Variants in MATN3 observed in about 807,000 individuals in gnomAD.
MATN3 encodes matrilin 3.
Under a neutral mutation model 45.3 loss-of-function variants are expected in MATN3, and 48 were observed. The ratio of observed to expected loss-of-function variants is 1.06; its 90% CI spans 0.84 to 1.35. MATN3 has a LOEUF of 1.35. Ranked by LOEUF, MATN3 falls within the 40% of genes most tolerant of loss-of-function variation. The pLI, the probability that MATN3 is intolerant of heterozygous loss-of-function variation, is 0.00. For synonymous variants in MATN3, 217 were observed against 245.9 expected, an observed-to-expected ratio of 0.88 and a Z score of 1.10; for missense variants, 599 against 628.0, an observed-to-expected ratio of 0.95 and a Z score of 0.49.
chr2:19,992,820 T>C lies in MATN3; in HGVS notation c.*291A>G, dbSNP rs368846076. The stretch of plus-strand genomic sequence containing the variant: ...TTTAAAAATTAAATGGCTCAATTAG[T>C]AGATAAAGAAACACTAAACTTTTCA... On this transcript the variant is annotated 3_prime_UTR_variant, in exon 8 of 8. Transcript: ENST00000407540. 13 of 342,698 alleles carry C rather than the reference T, an allele frequency of 3.8e-5. No homozygotes were observed. Among genetic ancestry groups the C allele is most frequent in the East Asian group, 1.4e-4 (2 of 14,754 alleles). The allele number at this position is 342,698 out of a possible 1,614,324, so 21.2% of individuals were successfully genotyped here.
chr2:20,001,936 A>G lies in MATN3; in HGVS notation c.1042+19T>C. 1.9e-6 allele frequency: 3 copies of G among 1,611,064 alleles called. No individual in the cohort carries two copies. The highest frequency in any genetic ancestry group is 2.5e-6 in the Non-Finnish European group (3 of 1,178,260). ...GCAGAGAGCTAAGTAGCAATAGTAA[A>G]GACTCCTCCCTCACTTACCTGAACA... On this transcript the variant is annotated intron_variant, in intron 4 of 7. Transcript: ENST00000407540.
chr2:19,996,795 C>A (rs1672878377), intron 6 of MATN3, among the ~76,000 whole-genome samples: 1 of 151,856 alleles, frequency 6.6e-6, no homozygotes, highest in South Asian at 2.1e-4. Flanking sequence ...GGTGGTTGCC[C>A]AACAATGTAA....
At chr2:20,011,010 C>T (rs2103486449) in intron 1 of MATN3, among the ~76,000 whole-genome samples, 1 of 152,338 alleles carries the variant, frequency 6.6e-6, no homozygotes, top group Non-Finnish European at 1.5e-5. Flanking sequence ...TCTGAATCTC[C>T]TAAAATGTTC....
rs755424873 is a variant in MATN3 at position 20,000,487 on chromosome 2, T to A, written c.1122A>T (p.Glu374Asp). The A allele has an allele frequency of 9.3e-6, 15 of 1,612,608 alleles. No homozygotes were observed. The Admixed American group carries it at 2.3e-4, about 25-fold the overall frequency. The change falls in exon 5 of 8, where the codon GAA becomes GAT. Residue 374 changes from glutamate (E) to aspartate (D), a missense_variant. By Grantham distance (45) the Glu-to-Asp change is conservative. Transcript: ENST00000407540. ...VNDRTGSHHC[E>D]CYEGYTLNAD... ...CATTCAGAGTGTAGCCCTCATAGCA[T>A]TCACAATGATGGGACCCTGTTCTGT...
chr2:20,003,102 A>C (rs1673019909), intron 3 of MATN3, 59 bp downstream of exon 3: 1 of 1,599,732 alleles, frequency 6.3e-7, no homozygotes, highest in South Asian at 1.1e-5. Context: ...CCAGTCCAAA[A>C]CCTGGAGCAT....
chr2:20,007,011 A>C (rs1673119598), intron 1 of MATN3, among the ~76,000 whole-genome samples: 1 of 152,092 alleles, frequency 6.6e-6, no homozygotes, highest in Non-Finnish European at 1.5e-5. Context: ...AGGTCAGGAG[A>C]TCAAGACCAT....
Position 19,994,298 on chromosome 2 carries a change from T to C in MATN3, c.1405+1A>G. 2 of 1,602,306 alleles carry C rather than the reference T, an allele frequency of 1.2e-6. No individual in the cohort carries two copies. The highest frequency in any genetic ancestry group is 1.7e-6 in the Non-Finnish European group (2 of 1,170,082). On this transcript the variant is annotated splice_donor_variant, in intron 7 of 7. Transcript: ENST00000407540. LOFTEE classifies it high-confidence loss of function. ...AGGAGAAAACCTTCCAGAAAGGATA[T>C]GTTTAGTGTTCAGTCTTTGAAGATA...
In MATN3 at chr2:20,012,438, G is replaced by A. The variant is rs1673236134; in HGVS notation, c.194C>T (p.Thr65Ile). Reference protein sequence around the residue: ...AAPDGAPASGTSEPGRARGAG... With the variant: ...AAPDGAPASGISEPGRARGAG... Reference sequence around the variant, plus strand: ...ACCGCGGGCGCGGCCAGGCTCGCTGGTCCCGGAAGCGGGCGCGCCGTCGGG... The same window carrying A: ...ACCGCGGGCGCGGCCAGGCTCGCTGATCCCGGAAGCGGGCGCGCCGTCGGG... The change falls in exon 1 of 8, where the codon ACC becomes ATC. Residue 65 changes from threonine (T) to isoleucine (I), a missense_variant. Physicochemically the swap from Thr to Ile is moderately conservative, Grantham distance 89. Transcript: ENST00000407540. This position sits in a 1 kb window ranked among gnomAD's most constrained non-coding sequence, Gnocchi z 4.3. The A allele has an allele frequency of 1.6e-6, 2 of 1,229,510 alleles. No homozygotes were observed. Among genetic ancestry groups the A allele is most frequent in the Admixed American group, 4.2e-5 (1 of 23,636 alleles). The allele number at this position is 1,229,510 out of a possible 1,614,324, so 76.2% of individuals were successfully genotyped here.
chr2:20,009,482 G>A (rs1367587092), intron 1 of MATN3, among the ~76,000 whole-genome samples: 2 of 152,022 alleles, frequency 1.3e-5, no homozygotes, highest in African/African-American at 2.4e-5. Flanking sequence ...CCTGTCAGGG[G>A]GTGGGGGGCA....
chr2:20,005,271 G>C (rs763209492), intron 2 of MATN3, among the ~76,000 whole-genome samples: 4 of 152,194 alleles, frequency 2.6e-5, no homozygotes, highest in Non-Finnish European at 5.9e-5. Context: ...GAGGCCTGCT[G>C]ACTCTCCCAA....
intron 3 of MATN3, 114 bp from the exon 4 acceptor site, chr2:20,002,194 A>ATAC: frequency 1.1e-6 from 1 of 882,140 alleles, no homozygotes; most frequent in Non-Finnish European, 1.7e-6. Flanking sequence ...ACACACACAG[A>ATAC]GCTAATGAAA....
intron 1 of MATN3, among the ~76,000 whole-genome samples, chr2:20,008,372 C>G (rs1377900209): frequency 2.0e-5 from 3 of 152,082 alleles, no homozygotes; most frequent in African/African-American, 7.2e-5. Flanking sequence ...CTTTCCTTTC[C>G]TAATAAGGAG....
intron 4 of MATN3, among the ~76,000 whole-genome samples, chr2:20,001,345 G>A (rs927055103): frequency 3.9e-5 from 6 of 152,086 alleles, no homozygotes; most frequent in Non-Finnish European, 7.3e-5. Flanking sequence ...TCACATCTCC[G>A]TCCTCTCCAA....
rs1230391742 is a variant in MATN3, at chr2:20,006,330, G to A, written c.224-20C>T. On this transcript the variant is annotated intron_variant, in intron 1 of 7. Transcript: ENST00000407540. ...AAACACCTGCAAAAGACCAAGCAAT[G>A]ATCAGACCACAATTAGAAATGCAGT... 1.3e-6 allele frequency: 2 copies of A among 1,485,768 alleles called. No individual in the cohort carries two copies. Among genetic ancestry groups the A allele is most frequent in the African/African-American group, 2.8e-5 (2 of 72,084 alleles). 92.0% of individuals were successfully genotyped at this position (1,485,768 alleles called of 1,614,324 possible). A position where few individuals can be genotyped will look rare whatever the true frequency, so the allele number is the denominator to read the frequency against.
In MATN3 at chr2:20,006,072, T is replaced by G. The variant is rs1572385869; in HGVS notation, c.462A>C (p.Thr154=). The G allele has an allele frequency of 6.2e-7, 1 of 1,613,926 alleles. No individual in the cohort carries two copies. The highest frequency in any genetic ancestry group is 8.5e-7 in the Non-Finnish European group (1 of 1,179,866). ...CTGACATGGTGCCTGTTGACAAGGG[T>G]GTGATTCGACCCACGGCCTGCTTCA... The part of the protein sequence containing the change: ...QSLKQAVGRI[T]PLSTGTMSGL... Residue 154 remains threonine (T), a synonymous_variant, in exon 2 of 8, where the codon ACA becomes ACC. Coordinates refer to ENST00000407540, the MANE Select transcript of MATN3 (RefSeq NM_002381.5).
chr2:20,003,071 T>A (rs757431612), intron 3 of MATN3, 90 bp downstream of exon 3: 3 of 1,490,178 alleles, frequency 2.0e-6, no homozygotes, highest in Non-Finnish European at 2.8e-6. Flanking sequence ...TAAAAAGGGG[T>A]CAGAGAGTCA....
Position 20,008,306 on chromosome 2 carries a change from C to T in MATN3, c.224-1996G>A, listed in dbSNP as rs147893785. On this transcript the variant is annotated intron_variant, in intron 1 of 7. Coordinates refer to ENST00000407540, the MANE Select transcript of MATN3 (RefSeq NM_002381.5). ...TCATTCCCCCTTCTCACCCAACACA[C>T]GCATGCAGCCCTAAATGGAAATGAG... 3.4e-4 allele frequency among the ~76,000 whole-genome samples: 52 copies of T among 152,258 alleles called. 1 individual carries two copies. Among genetic ancestry groups the T allele is most frequent in the Middle Eastern group, 6.8e-3 (2 of 294 alleles).
rs1271233021 is a variant in MATN3, at chr2:20,012,183, G to T, written c.223+226C>A. On this transcript the variant is annotated intron_variant, in intron 1 of 7. Coordinates refer to ENST00000407540, the MANE Select transcript of MATN3 (RefSeq NM_002381.5). The surrounding 1 kb of genome is among the most constrained non-coding windows in gnomAD (Gnocchi z 4.3). ...CTGTGCTCCTGGCCGAATCACAGGG[G>T]AGTGAGAGCTTCAGGAGACCCACAT... 6.6e-6 allele frequency among the ~76,000 whole-genome samples: 1 copy of T among 152,224 alleles called. No homozygotes were observed. The highest frequency in any genetic ancestry group is 1.5e-5 in the Non-Finnish European group (1 of 68,032).
intron 6 of MATN3, among the ~76,000 whole-genome samples, chr2:19,996,615 G>A: frequency 6.6e-6 from 1 of 152,210 alleles, no homozygotes. Context: ...GGACCAGGAT[G>A]CAGGAAGAAG....
Sources: gnomAD v4.1 joint callset for allele counts (sites outside exome capture counted in the v4.1 genomes callset) on GRCh38, gnomAD v4.1.1 for gene constraint, Gnocchi (gnomAD v3.1) non-coding constraint, MANE v1.5 for transcripts, NCBI Gene and HGNC (gene_info 2026-07-23, HGNC 2026-07-21) for gene names.